Variants in LRRC4B observed in about 807,000 individuals in gnomAD.
LRRC4B encodes leucine-rich repeat-containing protein 4B.
In LRRC4B, 1 loss-of-function variant was observed where a neutral mutation model predicts 7.3. The observed-to-expected ratio is 0.14, with a 90% CI of 0.05 to 0.65. The LOEUF is 0.65. LRRC4B is among the 30% of genes least tolerant of loss of function. The pLI is 0.84. For synonymous variants in LRRC4B, 500 were observed against 499.2 expected, an observed-to-expected ratio of 1.00 and a Z score of -0.02; for missense variants, 730 against 1,041.6, an observed-to-expected ratio of 0.70 and a Z score of 4.12.
rs760275804 is a variant in LRRC4B at position 50,517,792 on chromosome 19, C to T, written c.1921G>A (p.Gly641Arg). The change falls in exon 3 of 3, where the codon GGG (glycine) becomes AGG (arginine). Residue 641 changes from glycine (G) to arginine (R), a missense_variant. Coordinates refer to ENST00000652263, the MANE Select transcript of LRRC4B (RefSeq NM_001080457.2). This position sits in a 1 kb window ranked among gnomAD's most constrained non-coding sequence, Gnocchi z 6.6. ...SVAAAAAVAS[G>R]GGVGGDSHLA... ...TGGCTGTCCCCGCCCACACCACCCC[C>T]ACTGGCCACGGCGGCCGCGGCGGCC... 5 of 1,534,740 alleles carry T rather than the reference C, an allele frequency of 3.3e-6. No individual in the cohort carries two copies. In the South Asian group the frequency reaches 5.1e-5, roughly 16 times the overall value.
rs1601365200 is a variant in LRRC4B at position 50,517,423 on chromosome 19, A to C, written c.*148T>G. ...TCCTTACTGGGGGTCCGAGCCCCAG[A>C]TGGGGCTGGAAGCCACCTCTCCCCA... On this transcript the variant is annotated 3_prime_UTR_variant, in exon 3 of 3. Transcript: ENST00000652263. This position sits in a 1 kb window ranked among gnomAD's most constrained non-coding sequence, Gnocchi z 6.6. 1 of 628,724 alleles carries C rather than the reference A, an allele frequency of 1.6e-6. No homozygotes were observed. Among genetic ancestry groups the C allele is most frequent in the East Asian group, 3.5e-5 (1 of 28,656 alleles). 38.9% of individuals were successfully genotyped at this position (628,724 alleles called of 1,614,324 possible).
chr19:50,524,808 T>C (rs1150926), intron 2 of LRRC4B, among the ~76,000 whole-genome samples: 23,084 of 152,144 alleles, frequency 0.15, 2,152 homozygotes, highest in East Asian at 0.42. Flanking sequence ...TAGCAACGCA[T>C]GCAGTCCCCG....
At chr19:50,561,705 A>G (rs1009125855) in intron 1 of LRRC4B, among the ~76,000 whole-genome samples, 37 of 152,192 alleles carry the variant, frequency 2.4e-4, no homozygotes, top group African/African-American at 8.7e-4. Context: ...CCTGCACTTC[A>G]GCATGGGTAA....
At chr19:50,551,657 C>T (rs1249528870) in intron 1 of LRRC4B, among the ~76,000 whole-genome samples, 1 of 147,944 alleles carries the variant, frequency 6.8e-6, no homozygotes, top group Non-Finnish European at 1.5e-5. Context: ...CAGGCCCCTT[C>T]TCTCCTTCTC....
intron 1 of LRRC4B, among the ~76,000 whole-genome samples, chr19:50,565,065 G>GTT (rs1982585161): frequency 6.6e-6 from 1 of 152,180 alleles, no homozygotes; most frequent in Non-Finnish European, 1.5e-5. Flanking sequence ...GAGGAGCCCC[G>GTT]TGGCGAGAGG....
In LRRC4B at chr19:50,548,924, A is replaced by G; in HGVS notation, c.-35-51T>C. 9.7e-7 allele frequency: 1 copy of G among 1,030,098 alleles called. No individual in the cohort carries two copies. Among genetic ancestry groups the G allele is most frequent in the Non-Finnish European group, 1.4e-6 (1 of 732,196 alleles). 63.8% of individuals were successfully genotyped at this position (1,030,098 alleles called of 1,614,324 possible). A position where few individuals can be genotyped will look rare whatever the true frequency, so the allele number is the denominator to read the frequency against. Reference sequence around the variant, plus strand: ...GAGGCTTGGTGAGGGACAGGAGCCCATGTGGCCTGGGTGCTTGCCAACACC... The same window carrying G: ...GAGGCTTGGTGAGGGACAGGAGCCCGTGTGGCCTGGGTGCTTGCCAACACC... On this transcript the variant is annotated intron_variant, in intron 1 of 2. Transcript: ENST00000652263. The surrounding 1 kb of genome is among the most constrained non-coding windows in gnomAD (Gnocchi z 6.8).
intron 1 of LRRC4B, among the ~76,000 whole-genome samples, chr19:50,564,694 A>G (rs1982570649): frequency 1.3e-5 from 2 of 151,940 alleles, no homozygotes; most frequent in Non-Finnish European, 2.9e-5. Flanking sequence ...CTCGAGACAG[A>G]TGCCCGGCCA....
intron 1 of LRRC4B, among the ~76,000 whole-genome samples, chr19:50,557,119 G>A (rs1050972064): frequency 5.9e-5 from 9 of 152,162 alleles, no homozygotes; most frequent in Non-Finnish European, 1.0e-4. Flanking sequence ...TGGAGCCACG[G>A]GGATGGAGAG....
rs561584722 is a variant in LRRC4B, at chr19:50,564,883, C to A, written c.-36+3061G>T. Among the ~76,000 whole-genome samples, 200 of 152,050 alleles carry A rather than the reference C, an allele frequency of 1.3e-3. 1 individual carries two copies. The highest frequency in any genetic ancestry group is 4.5e-3 in the African/African-American group (187 of 41,452). ...CTGAGGATTCAGCGGCCACCCCCGC[C>A]CCCAATCCCCAACCCACAGCACCTC... is the stretch of plus-strand genomic sequence containing the variant. On this transcript the variant is annotated intron_variant, in intron 1 of 2. Transcript: ENST00000652263.
chr19:50,547,444 G>A (rs1233037617), intron 2 of LRRC4B, among the ~76,000 whole-genome samples: 2 of 151,912 alleles, frequency 1.3e-5, no homozygotes, highest in African/African-American at 4.8e-5. Flanking sequence ...CATTTCTTAC[G>A]GGAGCTGTTA....
chr19:50,557,587 AC>A, intron 1 of LRRC4B: 1 of 141,730 alleles, frequency 7.1e-6, no homozygotes, highest in Non-Finnish European at 1.5e-5. Flanking sequence ...CTGGGCTCCG[AC>A]CCCCCGGTGC....
intron 1 of LRRC4B, among the ~76,000 whole-genome samples, chr19:50,549,489 G>C (rs34327760): frequency 1.3e-5 from 2 of 152,020 alleles, no homozygotes; most frequent in Non-Finnish European, 2.9e-5. Flanking sequence ...TAAACCGAAA[G>C]ACCCTCCGCT....
At chr19:50,552,202 C>T (rs1013758002) in intron 1 of LRRC4B, among the ~76,000 whole-genome samples, 9 of 136,408 alleles carry the variant, frequency 6.6e-5, no homozygotes, top group African/African-American at 1.1e-4. Context: ...CCAGCCAAAA[C>T]CCCCCAGCTT....
At position 50,519,433 on chromosome 19, in the gene LRRC4B, C is replaced by T. The variant is rs564101361; in HGVS notation, c.298-18G>A. The T allele has an allele frequency of 4.5e-6, 7 of 1,560,728 alleles. No individual in the cohort carries two copies. The highest frequency in any genetic ancestry group is 2.7e-5 in the African/African-American group (2 of 74,118). On this transcript the variant is annotated intron_variant, in intron 2 of 2. Transcript: ENST00000652263. This position sits in a 1 kb window ranked among gnomAD's most constrained non-coding sequence, Gnocchi z 8.1. ...CGGATCACCTGGGGAGAGGGAGACA[C>T]GGATCAGTCACGGAGATACTGACGG...
chr19:50,559,710 G>A (rs996508169), intron 1 of LRRC4B, among the ~76,000 whole-genome samples: 1 of 152,226 alleles, frequency 6.6e-6, no homozygotes, highest in African/African-American at 2.4e-5. Context: ...TCTCTCACAG[G>A]GTTGTGCATA....
rs6509478 is a variant in LRRC4B at position 50,537,524 on chromosome 19, A to C, written c.297+11018T>G. Among the ~76,000 whole-genome samples, 62,984 of 151,962 alleles carry C rather than the reference A, an allele frequency of 0.41. 14,369 individuals are homozygous for C. Among genetic ancestry groups the C allele is most frequent in the African/African-American group, 0.59 (24,410 of 41,436 alleles). On this transcript the variant is annotated intron_variant, in intron 2 of 2. Coordinates refer to ENST00000652263, the MANE Select transcript of LRRC4B (RefSeq NM_001080457.2). This position sits in a 1 kb window ranked among gnomAD's most constrained non-coding sequence, Gnocchi z 5.5. ...GAACGCGGGTCTTGTGCCTCTCAGG[A>C]CTCGCAGGCTGCTCAACAGAGATGT...
intron 2 of LRRC4B, among the ~76,000 whole-genome samples, chr19:50,538,889 C>T (rs1438786170): frequency 4.8e-5 from 7 of 147,258 alleles, no homozygotes; most frequent in Non-Finnish European, 6.0e-5. Flanking sequence ...AGCCACCGCA[C>T]GCCGCCTTTT....
chr19:50,566,860 T>C (rs1599790694), intron 1 of LRRC4B, among the ~76,000 whole-genome samples: 1 of 112,658 alleles, frequency 8.9e-6, no homozygotes, highest in Non-Finnish European at 1.7e-5. Context: ...CAGAGAGTGA[T>C]GGGCTAAGGA....
intron 1 of LRRC4B, among the ~76,000 whole-genome samples, chr19:50,562,983 A>G (rs913311842): frequency 6.6e-6 from 1 of 151,334 alleles, no homozygotes; most frequent in Non-Finnish European, 1.5e-5. Flanking sequence ...CAGGTGATCC[A>G]CCCGCCTCAG....
Sources: allele counts gnomAD v4.1 joint callset (sites outside exome capture counted in the v4.1 genomes callset), GRCh38; gene constraint gnomAD v4.1.1; non-coding constraint Gnocchi (gnomAD v3.1); transcripts MANE v1.5; gene names NCBI Gene and HGNC (gene_info 2026-07-23, HGNC 2026-07-21).